Variants in DAG1 observed in about 807,000 individuals in gnomAD.
DAG1 encodes dystroglycan 1 (dystrophin-associated glycoprotein 1).
Under a neutral mutation model 46.1 loss-of-function variants are expected in DAG1, and 8 were observed. That is an observed-to-expected ratio of 0.17 (90% CI 0.10 to 0.31). DAG1 has a LOEUF of 0.31. Among genes scored for constraint, DAG1 ranks in the 10% least tolerant of loss-of-function variants. DAG1 has a pLI of 1.00. For synonymous variants in DAG1, 495 were observed against 481.8 expected (o/e 1.03, Z -0.36); for missense variants, 1,003 against 1,189.9 (o/e 0.84, Z 2.31).
chr3:49,531,882 G>A lies in DAG1; in HGVS notation c.1371G>A (p.Arg457=). The change falls in exon 3 of 3, where the codon CGG becomes CGA. Residue 457 remains arginine, a synonymous_variant. Coordinates refer to ENST00000308775, the MANE Select transcript of DAG1 (RefSeq NM_004393.6). This position sits in a 1 kb window ranked among gnomAD's most constrained non-coding sequence, Gnocchi z 7.0. ...CAACCAAGAAACCACGGACACCCCG[G>A]CCAGTGCCCCGGGTCACCACCAAAG... ...RRPTKKPRTP[R]PVPRVTTKVS... 6.2e-7 allele frequency: 1 copy of A among 1,613,986 alleles called. No individual in the cohort carries two copies.
chr3:49,494,547 TAATGGAAA>T (rs1337684109), intron 1 of DAG1, among the ~76,000 whole-genome samples: 5 of 152,162 alleles, frequency 3.3e-5, no homozygotes, highest in Non-Finnish European at 5.9e-5. Context: ...TTTCGTAGTG[TAATGGAAA>T]AAATACCAGA....
intron 1 of DAG1, among the ~76,000 whole-genome samples, chr3:49,506,833 C>G (rs1473176600): frequency 6.6e-6 from 1 of 151,472 alleles, no homozygotes; most frequent in Non-Finnish European, 1.5e-5. Flanking sequence ...GAATTGGAGC[C>G]AAGTATGGTG....
chr3:49,510,903 C>T, intron 2 of DAG1, 84 bp downstream of exon 2: 1 of 1,562,864 alleles, frequency 6.4e-7, no homozygotes, highest in Non-Finnish European at 8.7e-7. Flanking sequence ...CAAGTCTAAG[C>T]TTCACCAATT....
At chr3:49,503,233 T>A (rs2050506110) in intron 1 of DAG1, among the ~76,000 whole-genome samples, 1 of 152,220 alleles carries the variant, frequency 6.6e-6, no homozygotes, top group Non-Finnish European at 1.5e-5. Flanking sequence ...GTTCCCTCAG[T>A]GGTGTCACAT....
rs1182897088 is a variant in DAG1 at position 49,470,311 on chromosome 3, C to T, written c.-239C>T. On this transcript the variant is annotated 5_prime_UTR_variant, in exon 1 of 3. Transcript: ENST00000308775. The stretch of plus-strand genomic sequence containing the variant: ...CGCGAAGGCTGCGGCGCGGCGCTCG[C>T]GCCTCTTAGGCTTGGCGGTGGCGGC... 1.3e-5 allele frequency: 2 copies of T among 152,154 alleles called. No individual in the cohort carries two copies. The highest frequency in any genetic ancestry group is 6.6e-5 in the Admixed American group (1 of 15,264). 9.4% of individuals were successfully genotyped at this position (152,154 alleles called of 1,614,324 possible).
At chr3:49,506,970 AAAAG>A (rs2050621890) in intron 1 of DAG1, among the ~76,000 whole-genome samples, 1 of 152,096 alleles carries the variant, frequency 6.6e-6, no homozygotes, top group South Asian at 2.1e-4. Flanking sequence ...TGAAAAAAAA[AAAAG>A]AAAAATAAGT....
At chr3:49,513,725 TCA>T (rs2050822232) in intron 2 of DAG1, among the ~76,000 whole-genome samples, 1 of 152,226 alleles carries the variant, frequency 6.6e-6, no homozygotes, top group Non-Finnish European at 1.5e-5. Flanking sequence ...ATGTAGCAGT[TCA>T]CAGAGCTCTT....
upstream of DAG1, chr3:49,468,968 G>A (rs545021398): frequency 6.6e-6 from 1 of 152,244 alleles, no homozygotes; most frequent in African/African-American, 2.4e-5. Context: ...GACTACAGGC[G>A]GGAGCACAGC....
intron 1 of DAG1, among the ~76,000 whole-genome samples, chr3:49,472,059 G>A (rs1224621967): frequency 6.6e-6 from 1 of 152,096 alleles, no homozygotes; most frequent in Non-Finnish European, 1.5e-5. Context: ...GCGAGCTCTG[G>A]GCCTGCCTTG....
intron 1 of DAG1, among the ~76,000 whole-genome samples, chr3:49,473,600 C>T (rs1186476831): frequency 6.7e-5 from 10 of 150,006 alleles, no homozygotes; most frequent in Non-Finnish European, 1.0e-4. Flanking sequence ...TTTTTTGAGA[C>T]GGAGTCTTGC....
At chr3:49,512,191 C>T (rs1052419513) in intron 2 of DAG1, among the ~76,000 whole-genome samples, 3 of 151,728 alleles carry the variant, frequency 2.0e-5, no homozygotes, top group African/African-American at 7.3e-5. Flanking sequence ...ACCACCACAC[C>T]CAGCTAATTT....
At chr3:49,472,375 T>A (rs565302758) in intron 1 of DAG1, among the ~76,000 whole-genome samples, 88 of 152,246 alleles carry the variant, frequency 5.8e-4, no homozygotes, top group African/African-American at 2.0e-3. Context: ...TTTAAATTCC[T>A]TGTTGACTAC....
chr3:49,501,298 G>T (rs2050443009), intron 1 of DAG1, among the ~76,000 whole-genome samples: 1 of 152,190 alleles, frequency 6.6e-6, no homozygotes, highest in Non-Finnish European at 1.5e-5. Flanking sequence ...AATAGTGAAA[G>T]ATCAGCTGGA....
chr3:49,489,324 T>G (rs2050121741), intron 1 of DAG1, among the ~76,000 whole-genome samples: 1 of 152,134 alleles, frequency 6.6e-6, no homozygotes, highest in African/African-American at 2.4e-5. Context: ...ACTCCCGACC[T>G]CAGGTGATCT....
rs553575239 is a variant in DAG1 at position 49,527,589 on chromosome 3, G to C, written c.286-3208G>C. Among the ~76,000 whole-genome samples, 11 of 151,276 alleles carry C rather than the reference G, an allele frequency of 7.3e-5. No homozygotes were observed. In the South Asian group the frequency reaches 2.3e-3, roughly 32 times the overall value. On this transcript the variant is annotated intron_variant, in intron 2 of 2. Coordinates refer to ENST00000308775, the MANE Select transcript of DAG1 (RefSeq NM_004393.6). ...GTGGTGGCGGGCGCCTGTAGTCCCA[G>C]CTACTTGGGAGGCTGAGGCAGGAGA...
Position 49,501,039 on chromosome 3 carries a change from T to G in DAG1, c.-116-9380T>G, listed in dbSNP as rs543420658. On this transcript the variant is annotated intron_variant, in intron 1 of 2. Transcript: ENST00000308775. ...AGCATCAGAAAGACAAAAGGGTGTT[T>G]TATTACCAAGTTGCAAAAAATTTTT... Among the ~76,000 whole-genome samples, 7 of 152,286 alleles carry G rather than the reference T, an allele frequency of 4.6e-5. No homozygotes were observed. The South Asian group carries it at 1.2e-3, about 27-fold the overall frequency.
At chr3:49,496,313 G>T (rs1378783563) in intron 1 of DAG1, among the ~76,000 whole-genome samples, 1 of 150,808 alleles carries the variant, frequency 6.6e-6, no homozygotes, top group Non-Finnish European at 1.5e-5. Context: ...GGGACTACAG[G>T]TCCATGCCTA....
chr3:49,527,657 C>G (rs1235211070), intron 2 of DAG1, among the ~76,000 whole-genome samples: 2 of 151,660 alleles, frequency 1.3e-5, no homozygotes, highest in African/African-American at 4.9e-5. Context: ...GAGCCGAGAT[C>G]ACGCCCCTGC....
chr3:49,472,784 G>T (rs1331340150), intron 1 of DAG1, among the ~76,000 whole-genome samples: 1 of 151,812 alleles, frequency 6.6e-6, no homozygotes, highest in East Asian at 1.9e-4. Flanking sequence ...TCCAGCCTGG[G>T]CCACAGATCG....
Sources: allele counts gnomAD v4.1 joint callset (sites outside exome capture counted in the v4.1 genomes callset), GRCh38; gene constraint gnomAD v4.1.1; non-coding constraint Gnocchi (gnomAD v3.1); transcripts MANE v1.5; gene names NCBI Gene and HGNC (gene_info 2026-07-23, HGNC 2026-07-21).